The following PDS5A variants were observed in gnomAD, a reference collection of about 807,000 sequenced individuals.
PDS5A encodes the protein sister chromatid cohesion protein PDS5 homolog A.
In PDS5A, 42 loss-of-function variants were observed where a neutral mutation model predicts 167.1. That is an observed-to-expected ratio of 0.25 (90% confidence interval 0.20 to 0.33). PDS5A has a LOEUF of 0.33. Ranked by LOEUF, PDS5A falls within the 10% of genes least tolerant of loss-of-function variation. The pLI is 1.00. For synonymous variants in PDS5A, 553 were observed against 554.6 expected (o/e 1.00, Z 0.04); for missense variants, 1,033 against 1,605.9 (o/e 0.64, Z 6.10).
intron 2 of PDS5A, among the ~76,000 whole-genome samples, chr4:39,937,958 G>C (rs1006416883): frequency 1.3e-5 from 2 of 152,108 alleles, no homozygotes; most frequent in African/African-American, 4.8e-5. Flanking sequence ...TCCATACATA[G>C]TGAGCTGTAC....
intron 2 of PDS5A, among the ~76,000 whole-genome samples, chr4:39,964,879 G>A (rs975840672): frequency 1.3e-5 from 2 of 152,020 alleles, no homozygotes; most frequent in African/African-American, 4.8e-5. Context: ...GGGGACAGAG[G>A]TTGCAGTGAG....
chr4:39,901,809 A>G (rs1025456462), intron 13 of PDS5A, among the ~76,000 whole-genome samples: 16 of 152,206 alleles, frequency 1.1e-4, no homozygotes, highest in African/African-American at 3.9e-4. Context: ...GGTGTACAAC[A>G]TAATATATGT....
At chr4:39,911,510 T>C (rs1723881279) in intron 9 of PDS5A, among the ~76,000 whole-genome samples, 1 of 152,006 alleles carries the variant, frequency 6.6e-6, no homozygotes, top group Non-Finnish European at 1.5e-5. Context: ...AGAATTCAAT[T>C]AACATACAAC....
At chr4:39,964,326 C>A (rs1729774319) in intron 2 of PDS5A, among the ~76,000 whole-genome samples, 1 of 152,184 alleles carries the variant, frequency 6.6e-6, no homozygotes, top group Non-Finnish European at 1.5e-5. Flanking sequence ...GAACTCATGG[C>A]TGACTGGCTG....
rs750441008 is a variant in PDS5A at position 39,888,306 on chromosome 4, GA to G, written c.1886+1942del. ...AAGACAGGGAATAACGGATGCCGGC[GA>G]GGATGTAGAAAAAAGTGAACCCTCA... On this transcript the variant is annotated intron_variant, in intron 17 of 32. Coordinates refer to ENST00000303538, the MANE Select transcript of PDS5A (RefSeq NM_001100399.2). Among the ~76,000 whole-genome samples the G allele has an allele frequency of 2.7e-5, 4 of 150,420 alleles. No homozygotes were observed. In the East Asian group the frequency reaches 7.8e-4, roughly 29 times the overall value.
chr4:39,931,233 C>T (rs1726029092), intron 2 of PDS5A, among the ~76,000 whole-genome samples: 1 of 151,978 alleles, frequency 6.6e-6, no homozygotes. Flanking sequence ...GATACTACAG[C>T]ACACGCCACC....
chr4:39,950,935 C>A (rs1728294046), intron 2 of PDS5A, among the ~76,000 whole-genome samples: 1 of 151,970 alleles, frequency 6.6e-6, no homozygotes, highest in Non-Finnish European at 1.5e-5. Flanking sequence ...TAGGGTCTCC[C>A]CTCTGTGGAC....
Position 39,830,484 on chromosome 4 carries a change from G to C in PDS5A, c.4011-4996C>G, listed in dbSNP as rs1000276335. ...CTGTTGCCCAGGATGGAGTGCACTG[G>C]CAAGATCTTGGCTCACTGCAACCTC... On this transcript the variant is annotated intron_variant, in intron 32 of 32. Transcript: ENST00000303538. 2.6e-5 allele frequency among the ~76,000 whole-genome samples: 4 copies of C among 152,268 alleles called. No homozygotes were observed. In the East Asian group the frequency reaches 7.7e-4, roughly 29 times the overall value.
At chr4:39,934,506 T>C (rs1023989858) in intron 2 of PDS5A, among the ~76,000 whole-genome samples, 1 of 152,178 alleles carries the variant, frequency 6.6e-6, no homozygotes, top group East Asian at 1.9e-4. Context: ...CATACACTTA[T>C]GAGAATTAAA....
chr4:39,904,326 G>C (rs1435763043), intron 11 of PDS5A, 135 bp from the exon 12 acceptor site: 4 of 483,496 alleles, frequency 8.3e-6, no homozygotes, highest in Admixed American at 8.2e-5. Context: ...CTCTTCAAAA[G>C]AGGCTTTACA....
chr4:39,951,690 G>A (rs2109788088), intron 2 of PDS5A, among the ~76,000 whole-genome samples: 1 of 152,116 alleles, frequency 6.6e-6, no homozygotes, highest in East Asian at 1.9e-4. Flanking sequence ...CACGAGGTCA[G>A]GAGATCTAGA....
At chr4:39,922,215 TGA>T (rs1415634324) in intron 6 of PDS5A, among the ~76,000 whole-genome samples, 1 of 152,220 alleles carries the variant, frequency 6.6e-6, no homozygotes, top group Non-Finnish European at 1.5e-5. Context: ...AATCTTTTTC[TGA>T]GAGTACCTAA....
At chr4:39,881,305 T>C (rs1221988495) in intron 17 of PDS5A, among the ~76,000 whole-genome samples, 8 of 152,100 alleles carry the variant, frequency 5.3e-5, no homozygotes, top group Admixed American at 5.2e-4. Flanking sequence ...TTTGGATGTA[T>C]ACCTAGTAGT....
At chr4:39,884,669 T>C (rs923222088) in intron 17 of PDS5A, among the ~76,000 whole-genome samples, 2 of 152,182 alleles carry the variant, frequency 1.3e-5, no homozygotes, top group East Asian at 3.8e-4. Context: ...TAACACTCTT[T>C]CCCAATTTTC....
In PDS5A at chr4:39,904,134, G is replaced by A; in HGVS notation, c.1291C>T (p.Leu431Phe). Residue 431 changes from leucine to phenylalanine, a missense_variant, in exon 12 of 33, where the codon CTT becomes TTT. Coordinates refer to ENST00000303538, the MANE Select transcript of PDS5A (RefSeq NM_001100399.2). ...GCTTCCTTTCCTGCTTCACCATGAA[G>A]ACAGTATTTCTTATAAAGCTGAGCC... is the stretch of plus-strand genomic sequence containing the variant. ...GLAQLYKKYCLHGEAGKEAAE... is the reference protein window; with the variant it reads ...GLAQLYKKYCFHGEAGKEAAE... 1 of 1,611,860 alleles carries A rather than the reference G, an allele frequency of 6.2e-7. No individual in the cohort carries two copies. Among genetic ancestry groups the A allele is most frequent in the East Asian group, 2.2e-5 (1 of 44,828 alleles).
chr4:39,863,635 ACAAT>A (rs140860772), intron 23 of PDS5A, among the ~76,000 whole-genome samples, 176 bp from the exon 24 acceptor site: 1,837 of 152,292 alleles, frequency 0.012, 28 homozygotes, highest in African/African-American at 0.041. Flanking sequence ...TGTGACTTTC[ACAAT>A]CAAATCAAAT....
chr4:39,922,773 A>T (rs758688687), intron 5 of PDS5A, 25 bp from the exon 6 acceptor site: 1 of 1,407,532 alleles, frequency 7.1e-7, no homozygotes, highest in Non-Finnish European at 9.3e-7. Context: ...AAAAAAGAAT[A>T]AGTAGTAGGA....
chr4:39,930,092 G>A (rs1482510498), intron 2 of PDS5A, among the ~76,000 whole-genome samples: 2 of 150,928 alleles, frequency 1.3e-5, no homozygotes, highest in African/African-American at 4.9e-5. Context: ...GCACACAACT[G>A]TAATCCCAGC....
intron 19 of PDS5A, among the ~76,000 whole-genome samples, chr4:39,876,620 T>G (rs1490147377): frequency 1.3e-5 from 2 of 152,188 alleles, no homozygotes; most frequent in East Asian, 3.8e-4. Context: ...TTTGGTAGGA[T>G]AGCAAAGTGA....
Sources: gnomAD v4.1 joint callset for allele counts (sites outside exome capture counted in the v4.1 genomes callset) on GRCh38, gnomAD v4.1.1 for gene constraint, MANE v1.5 for transcripts, NCBI Gene and HGNC (gene_info 2026-07-23, HGNC 2026-07-21) for gene names.